RCAN1: variants seen among roughly 807,000 people sequenced by gnomAD.
RCAN1 encodes regulator of calcineurin 1, also known as calcipressin-1.
In RCAN1, 11 loss-of-function variants were observed where a neutral mutation model predicts 22.9. The ratio of observed to expected loss-of-function variants is 0.48; its 90% CI spans 0.30 to 0.79. The LOEUF is 0.79. Ranked by LOEUF, RCAN1 falls within the 30% of genes least tolerant of loss-of-function variation. The probability of loss-of-function intolerance (pLI) is 0.06; values close to 1 mark genes in which losing one functional copy is unlikely to be tolerated. For synonymous variants in RCAN1, 136 were observed against 142.3 expected (o/e 0.96, Z 0.32); for missense variants, 291 against 337.8 (o/e 0.86, Z 1.09).
chr21:34,561,930 C>A (rs1020454602), intron 1 of RCAN1, among the ~76,000 whole-genome samples: 1 of 152,172 alleles, frequency 6.6e-6, no homozygotes, highest in African/African-American at 2.4e-5. Flanking sequence ...TTAAAAGGCT[C>A]GAGATCCTAT....
At chr21:34,538,651 C>T (rs905414965) in intron 1 of RCAN1, among the ~76,000 whole-genome samples, 1 of 152,060 alleles carries the variant, frequency 6.6e-6, no homozygotes, top group Non-Finnish European at 1.5e-5. Flanking sequence ...GAAGCCTAGC[C>T]GACTCTACAG....
At chr21:34,529,851 T>TG (rs557224587) in intron 1 of RCAN1, among the ~76,000 whole-genome samples, 4 of 152,130 alleles carry the variant, frequency 2.6e-5, no homozygotes, top group South Asian at 2.1e-4. Context: ...AATTGAATCA[T>TG]GGGGGGCCAG....
intron 1 of RCAN1, among the ~76,000 whole-genome samples, chr21:34,586,884 A>G (rs149738235): frequency 0.015 from 2,229 of 152,162 alleles, 52 homozygotes; most frequent in East Asian, 0.091. Context: ...AACCCAGGAG[A>G]CAGAGGTTGC....
intron 1 of RCAN1, among the ~76,000 whole-genome samples, chr21:34,531,711 T>G (rs1191530341): frequency 6.6e-6 from 1 of 152,150 alleles, no homozygotes; most frequent in Admixed American, 6.6e-5. Flanking sequence ...ATCCTGCCAG[T>G]GCTGCTCTCA....
intron 1 of RCAN1, among the ~76,000 whole-genome samples, chr21:34,613,128 G>A (rs940490006): frequency 1.4e-4 from 22 of 152,168 alleles, no homozygotes; most frequent in African/African-American, 5.1e-4. Flanking sequence ...AGCAAAGCCT[G>A]AATGAACCAA....
At chr21:34,557,228 A>G (rs1325952716) in intron 1 of RCAN1, among the ~76,000 whole-genome samples, 1 of 152,158 alleles carries the variant, frequency 6.6e-6, no homozygotes, top group African/African-American at 2.4e-5. Flanking sequence ...ATAAAATAAA[A>G]TTAAATTAAA....
chr21:34,538,527 G>A (rs973960289), intron 1 of RCAN1, among the ~76,000 whole-genome samples: 5 of 152,282 alleles, frequency 3.3e-5, no homozygotes, highest in Admixed American at 6.5e-5. Flanking sequence ...GGTACTGGCC[G>A]CTTCCAGACT....
intron 1 of RCAN1, among the ~76,000 whole-genome samples, chr21:34,540,685 C>T (rs1205324025): frequency 6.6e-6 from 1 of 152,110 alleles, no homozygotes; most frequent in East Asian, 1.9e-4. Context: ...TATGGTTATT[C>T]CTTCAAAAAG....
In RCAN1 at chr21:34,567,948, A is replaced by T. The variant is rs1195761938; in HGVS notation, c.253-44238T>A. ...TGTTCCTTCTGCATTTGGTTGGTCA[A>T]TGTCAAAGTAAGGACCAAATTCCAT... On this transcript the variant is annotated intron_variant, in intron 1 of 3. Transcript: ENST00000313806. Among the ~76,000 whole-genome samples, 5 of 151,672 alleles carry T rather than the reference A, an allele frequency of 3.3e-5. No individual in the cohort carries two copies. The East Asian group carries it at 9.6e-4, about 29-fold the overall frequency.
chr21:34,573,831 G>A (rs1170807699), intron 1 of RCAN1, among the ~76,000 whole-genome samples: 1 of 152,114 alleles, frequency 6.6e-6, no homozygotes, highest in Non-Finnish European at 1.5e-5. Flanking sequence ...TTATAATCAT[G>A]CCTACTTGTA....
intron 1 of RCAN1, among the ~76,000 whole-genome samples, chr21:34,557,754 C>T (rs1986634484): frequency 6.6e-6 from 1 of 152,146 alleles, no homozygotes; most frequent in African/African-American, 2.4e-5. Flanking sequence ...GATTTAACAG[C>T]CACTAGTGAT....
intron 1 of RCAN1, chr21:34,526,673 CT>C: frequency 1.2e-6 from 2 of 1,613,106 alleles, no homozygotes; most frequent in Non-Finnish European, 1.7e-6. Context: ...CCTGGTTTCA[CT>C]TTCGCTGAAG....
At chr21:34,594,114 G>A (rs1988067212) in intron 1 of RCAN1, among the ~76,000 whole-genome samples, 1 of 152,138 alleles carries the variant, frequency 6.6e-6, no homozygotes, top group South Asian at 2.1e-4. Context: ...AAGCAGATCT[G>A]CGTAAAATAA....
intron 1 of RCAN1, among the ~76,000 whole-genome samples, chr21:34,586,234 T>A (rs1292815492): frequency 1.3e-5 from 2 of 152,212 alleles, no homozygotes; most frequent in Non-Finnish European, 2.9e-5. Context: ...CATCTATATA[T>A]GTTGTTGTTA....
intron 1 of RCAN1, among the ~76,000 whole-genome samples, chr21:34,532,491 G>A (rs548127526): frequency 1.3e-5 from 2 of 152,360 alleles, no homozygotes; most frequent in Admixed American, 6.5e-5. Context: ...TCTAAACGGT[G>A]AACCTCCTGA....
At chr21:34,567,101 C>A (rs1347277414) in intron 1 of RCAN1, among the ~76,000 whole-genome samples, 2 of 151,244 alleles carry the variant, frequency 1.3e-5, no homozygotes, top group Non-Finnish European at 2.9e-5. Context: ...CACCTCCCCA[C>A]CCCCTAAATC....
intron 1 of RCAN1, among the ~76,000 whole-genome samples, chr21:34,563,769 A>T (rs1169216597): frequency 3.5e-5 from 3 of 84,844 alleles, no homozygotes; most frequent in Non-Finnish European, 6.6e-5. Flanking sequence ...AAAAAAAAAA[A>T]AATATATATA....
At chr21:34,581,223 TC>T (rs1987596062) in intron 1 of RCAN1, among the ~76,000 whole-genome samples, 1 of 152,048 alleles carries the variant, frequency 6.6e-6, no homozygotes, top group African/African-American at 2.4e-5. Context: ...TATTCCAACG[TC>T]CCAACCAAAT....
At chr21:34,584,822 G>A (rs1163446755) in intron 1 of RCAN1, among the ~76,000 whole-genome samples, 1 of 152,176 alleles carries the variant, frequency 6.6e-6, no homozygotes, top group Non-Finnish European at 1.5e-5. Context: ...TTTCACCAGA[G>A]GATTCATAAG....
Sources: gnomAD v4.1 joint callset for allele counts (sites outside exome capture counted in the v4.1 genomes callset) on GRCh38, gnomAD v4.1.1 for gene constraint, MANE v1.5 for transcripts, NCBI Gene and HGNC (gene_info 2026-07-23, HGNC 2026-07-21) for gene names.